The following ACAP2 variants were observed in gnomAD, a reference collection of about 807,000 sequenced individuals.
The protein encoded by ACAP2 is arf-GAP with coiled-coil, ANK repeat and PH domain-containing protein 2.
ACAP2 carries 39 observed loss-of-function variants against 115.8 expected under a neutral mutation model. The ratio of observed to expected loss-of-function variants is 0.34; its 90% CI spans 0.26 to 0.44. The LOEUF is 0.44. Among genes scored for constraint, ACAP2 ranks in the 20% least tolerant of loss-of-function variants. ACAP2 has a pLI of 1.00. For synonymous variants in ACAP2, 289 were observed against 315.8 expected (o/e 0.92, Z 0.90); for missense variants, 662 against 927.6 (o/e 0.71, Z 3.72).
intron 4 of ACAP2, among the ~76,000 whole-genome samples, chr3:195,362,963 T>C (rs562788784): frequency 6.6e-6 from 1 of 152,232 alleles, no homozygotes; most frequent in Non-Finnish European, 1.5e-5. Flanking sequence ...GCTAGAGCAA[T>C]AAGACAAGAG....
At chr3:195,330,529 C>T (rs547560116) in intron 8 of ACAP2, among the ~76,000 whole-genome samples, 1 of 152,118 alleles carries the variant, frequency 6.6e-6, no homozygotes, top group African/African-American at 2.4e-5. Context: ...AAGATGAGAG[C>T]GCAATCTAAT....
At chr3:195,433,465 C>G (rs1187061151) in intron 1 of ACAP2, among the ~76,000 whole-genome samples, 3 of 152,194 alleles carry the variant, frequency 2.0e-5, no homozygotes, top group Non-Finnish European at 4.4e-5. Flanking sequence ...CCTAACTGCT[C>G]TGGCTCTATC....
chr3:195,378,891 G>A (rs1170612553), intron 4 of ACAP2, among the ~76,000 whole-genome samples: 1 of 151,428 alleles, frequency 6.6e-6, no homozygotes, highest in Non-Finnish European at 1.5e-5. Flanking sequence ...TTTGCCAAAA[G>A]TTTATCTTAA....
At chr3:195,283,447 T>A (rs1408250101) in intron 22 of ACAP2, among the ~76,000 whole-genome samples, 3 of 152,202 alleles carry the variant, frequency 2.0e-5, no homozygotes, top group Non-Finnish European at 4.4e-5. Context: ...GAGCTCTTCA[T>A]TATCAAAAGA....
intron 15 of ACAP2, among the ~76,000 whole-genome samples, chr3:195,298,245 C>G (rs1002597663): frequency 7.6e-6 from 1 of 132,196 alleles, no homozygotes; most frequent in African/African-American, 2.9e-5. Flanking sequence ...GTTTCCCTTT[C>G]TCTCCTCTTT....
intron 1 of ACAP2, among the ~76,000 whole-genome samples, chr3:195,440,994 T>C (rs182663211): frequency 6.6e-6 from 1 of 152,304 alleles, no homozygotes; most frequent in East Asian, 1.9e-4. Flanking sequence ...TTCACTATAA[T>C]ATTCCCTACA....
At chr3:195,403,288 G>C (rs1184319398) in intron 1 of ACAP2, among the ~76,000 whole-genome samples, 1 of 152,208 alleles carries the variant, frequency 6.6e-6, no homozygotes, top group Non-Finnish European at 1.5e-5. Context: ...AATACTAATG[G>C]AGAGTCCCAT....
At chr3:195,396,940 TA>T (rs916520714) in intron 1 of ACAP2, among the ~76,000 whole-genome samples, 139 of 150,446 alleles carry the variant, frequency 9.2e-4, no homozygotes, top group Admixed American at 6.6e-4. Context: ...ATTAATAATT[TA>T]AAAAAAATTA....
chr3:195,424,163 G>A (rs1714418444), intron 1 of ACAP2, among the ~76,000 whole-genome samples: 1 of 147,556 alleles, frequency 6.8e-6, no homozygotes, highest in East Asian at 2.0e-4. Context: ...AGTATAAATA[G>A]CATATATCTC....
At chr3:195,281,334 G>A (rs910249123) in intron 22 of ACAP2, among the ~76,000 whole-genome samples, 2 of 152,076 alleles carry the variant, frequency 1.3e-5, no homozygotes, top group Non-Finnish European at 2.9e-5. Context: ...GAACCCGGGA[G>A]GCAGAGCTTG....
At chr3:195,340,293 T>C (rs1248125549) in intron 6 of ACAP2, among the ~76,000 whole-genome samples, 1 of 151,044 alleles carries the variant, frequency 6.6e-6, no homozygotes, top group African/African-American at 2.4e-5. Context: ...CGAACTTCTA[T>C]GAGAGTAAAA....
At chr3:195,296,390 A>G (rs1394852100) in intron 16 of ACAP2, among the ~76,000 whole-genome samples, 1 of 152,210 alleles carries the variant, frequency 6.6e-6, no homozygotes, top group African/African-American at 2.4e-5. Flanking sequence ...AACTTATGAT[A>G]CCATTATAAA....
chr3:195,362,540 C>T (rs1732444196), intron 4 of ACAP2, among the ~76,000 whole-genome samples: 1 of 152,092 alleles, frequency 6.6e-6, no homozygotes, highest in Non-Finnish European at 1.5e-5. Flanking sequence ...CACACACACA[C>T]ACAAAACTAC....
At chr3:195,417,213 T>C (rs889573819) in intron 1 of ACAP2, among the ~76,000 whole-genome samples, 3 of 151,346 alleles carry the variant, frequency 2.0e-5, no homozygotes, top group Non-Finnish European at 4.4e-5. Context: ...ATTACAGGCA[T>C]GAGCCACCAC....
chr3:195,314,835 C>T (rs1017742392), intron 10 of ACAP2, among the ~76,000 whole-genome samples: 2 of 152,178 alleles, frequency 1.3e-5, no homozygotes, highest in Non-Finnish European at 2.9e-5. Context: ...ATAAATTAAG[C>T]TGCGCAGAGA....
At chr3:195,393,959 G>A (rs1397888451) in intron 1 of ACAP2, among the ~76,000 whole-genome samples, 2 of 151,670 alleles carry the variant, frequency 1.3e-5, no homozygotes, top group Non-Finnish European at 2.9e-5. Flanking sequence ...ATCAGTCTAC[G>A]AACTACAACT....
chr3:195,307,407 G>A, intron 11 of ACAP2, 84 bp from the exon 12 acceptor site: 10 of 796,442 alleles, frequency 1.3e-5, no homozygotes, highest in Non-Finnish European at 2.1e-5. Flanking sequence ...ATATTACTTG[G>A]CATAACTGGT....
At chr3:195,440,660 G>A (rs1715923055) in intron 1 of ACAP2, among the ~76,000 whole-genome samples, 1 of 152,134 alleles carries the variant, frequency 6.6e-6, no homozygotes, top group Non-Finnish European at 1.5e-5. Context: ...CAAAAGTAAA[G>A]CTCTTCTTAT....
intron 11 of ACAP2, 138 bp from the exon 12 acceptor site, chr3:195,307,461 C>T (rs1175355436): frequency 7.2e-6 from 4 of 557,678 alleles, no homozygotes; most frequent in Non-Finnish European, 1.3e-5. Context: ...CAGGGGTTAT[C>T]AATATAGACA....
Sources: allele counts gnomAD v4.1 joint callset (sites outside exome capture counted in the v4.1 genomes callset), GRCh38; gene constraint gnomAD v4.1.1; transcripts MANE v1.5; gene names NCBI Gene and HGNC (gene_info 2026-07-23, HGNC 2026-07-21).